The following VDR variants were observed in gnomAD, a reference collection of about 807,000 sequenced individuals.
VDR encodes the protein vitamin D3 receptor.
In VDR, 19 loss-of-function variants were observed where a neutral mutation model predicts 39.7. The observed-to-expected ratio is 0.48, with a 90% CI of 0.33 to 0.70. VDR has a LOEUF of 0.70. Among genes scored for constraint, VDR ranks in the 30% least tolerant of loss-of-function variants. The pLI, the probability that VDR is intolerant of heterozygous loss-of-function variation, is 0.02. For synonymous variants in VDR, 242 were observed against 215.8 expected, an observed-to-expected ratio of 1.12 and a Z score of -1.07; for missense variants, 442 against 570.5, an observed-to-expected ratio of 0.77 and a Z score of 2.29.
intron 3 of VDR, among the ~76,000 whole-genome samples, chr12:47,872,637 C>T (rs1246281913): frequency 3.3e-5 from 5 of 152,152 alleles, no homozygotes; most frequent in Non-Finnish European, 7.4e-5. Context: ...AGCCTTTGAC[C>T]GACATGAAGC....
intron 4 of VDR, among the ~76,000 whole-genome samples, chr12:47,858,855 G>T (rs1162471141): frequency 2.0e-5 from 3 of 152,216 alleles, no homozygotes; most frequent in Non-Finnish European, 4.4e-5. Flanking sequence ...CCTCAGGTAG[G>T]GGGAGGACGA....
intron 4 of VDR, among the ~76,000 whole-genome samples, chr12:47,861,464 T>A (rs1945623781): frequency 6.6e-6 from 1 of 152,246 alleles, no homozygotes; most frequent in Non-Finnish European, 1.5e-5. Flanking sequence ...AAGTCTAAAG[T>A]CTTTCACATA....
At chr12:47,903,756 G>A (rs1206323698) in intron 1 of VDR, among the ~76,000 whole-genome samples, 1 of 152,150 alleles carries the variant, frequency 6.6e-6, no homozygotes, top group Non-Finnish European at 1.5e-5. Context: ...ATGGAAGGAA[G>A]GGCTGGAAAA....
chr12:47,849,064 G>A (rs1189294908), intron 7 of VDR, among the ~76,000 whole-genome samples: 1 of 152,208 alleles, frequency 6.6e-6, no homozygotes, highest in African/African-American at 2.4e-5. Flanking sequence ...CGAGGAAAAG[G>A]CAGGGCTCAC....
chr12:47,863,498 G>A (rs996070208), intron 4 of VDR, among the ~76,000 whole-genome samples: 9 of 152,162 alleles, frequency 5.9e-5, no homozygotes, highest in Non-Finnish European at 4.4e-5. Flanking sequence ...TCTTCTCTGC[G>A]GAGATGGGAC....
Position 47,846,816 on chromosome 12 carries a change from G to C in VDR, c.756-8C>G. ...TCCTCAGAGGTGAGGTCTCTGCAGG[G>C]GAGGGAGGGAAGGAGGTCAGGTTAC... On this transcript the variant is annotated splice_region_variant and splice_polypyrimidine_tract_variant and intron_variant, in intron 7 of 9. Transcript: ENST00000549336. 6.2e-7 allele frequency: 1 copy of C among 1,614,146 alleles called. No homozygotes were observed. Among genetic ancestry groups the C allele is most frequent in the Non-Finnish European group, 8.5e-7 (1 of 1,180,026 alleles).
At chr12:47,882,558 C>T (rs1946172098) in intron 2 of VDR, 136 bp downstream of exon 2, 1 of 728,170 alleles carries the variant, frequency 1.4e-6, no homozygotes, top group South Asian at 1.6e-5. Flanking sequence ...ACTCTGCTGG[C>T]CCGGGACCCA....
At position 47,890,472 on chromosome 12, in the gene VDR, C is replaced by A. The variant is rs200123711; in HGVS notation, c.-83-7698G>T. Among the ~76,000 whole-genome samples the A allele has an allele frequency of 3.3e-5, 5 of 151,368 alleles. No homozygotes were observed. The East Asian group carries it at 9.6e-4, about 29-fold the overall frequency. On this transcript the variant is annotated intron_variant, in intron 1 of 9. Transcript: ENST00000549336. ...AGCTCCTCTGGGGTCAGGGAGGAAA[C>A]GGTTGTCACGTCACCAGGCAGGTTA...
chr12:47,889,503 C>T (rs555873524), intron 1 of VDR, among the ~76,000 whole-genome samples: 5 of 152,288 alleles, frequency 3.3e-5, no homozygotes, highest in South Asian at 4.1e-4. Flanking sequence ...CTTCAGCTCC[C>T]GTGGCCAAAG....
chr12:47,882,604 C>A, intron 2 of VDR, 90 bp downstream of exon 2: 1 of 1,203,864 alleles, frequency 8.3e-7, no homozygotes, highest in South Asian at 1.3e-5. Flanking sequence ...CTTCCTTCCC[C>A]TGCCCACCAC....
chr12:47,862,218 T>C (rs1945640764), intron 4 of VDR, among the ~76,000 whole-genome samples: 1 of 152,228 alleles, frequency 6.6e-6, no homozygotes. Context: ...TAAAGTCAAC[T>C]AAGAATGGAA....
rs370817534 is a variant in VDR, at chr12:47,900,860, C to A, written c.-84+4095G>T. 7.2e-5 allele frequency among the ~76,000 whole-genome samples: 11 copies of A among 152,326 alleles called. No individual in the cohort carries two copies. The South Asian group carries it at 2.3e-3, about 32-fold the overall frequency. On this transcript the variant is annotated intron_variant, in intron 1 of 9. Transcript: ENST00000549336. ...TTTCCCGCCGGTGCAGCTGCCCACA[C>A]CCTGCTTAGGACCAGGACTCTCCCC...
At chr12:47,845,192 A>G (rs1400044721) in intron 9 of VDR, among the ~76,000 whole-genome samples, 187 bp from the exon 10 acceptor site, 1 of 151,610 alleles carries the variant, frequency 6.6e-6, no homozygotes, top group Non-Finnish European at 1.5e-5. Flanking sequence ...CCGTGCATTT[A>G]GGATCCAGAC....
At chr12:47,884,411 GC>G (rs921639234) in intron 1 of VDR, among the ~76,000 whole-genome samples, 3 of 152,180 alleles carry the variant, frequency 2.0e-5, no homozygotes, top group African/African-American at 7.2e-5. Flanking sequence ...GGGTCCCACA[GC>G]TAGGCAAGTG....
At chr12:47,884,784 T>C (rs11574033) in intron 1 of VDR, among the ~76,000 whole-genome samples, 1 of 152,038 alleles carries the variant, frequency 6.6e-6, no homozygotes, top group South Asian at 2.1e-4. Flanking sequence ...CTGGGGATTG[T>C]TCTTTTCCTT....
intron 1 of VDR, among the ~76,000 whole-genome samples, chr12:47,897,854 C>T (rs2137247551): frequency 6.6e-6 from 1 of 152,294 alleles, no homozygotes; most frequent in South Asian, 2.1e-4. Context: ...TCACTGGAGC[C>T]CTTAAATGAT....
At position 47,896,456 on chromosome 12, in the gene VDR, G is replaced by A. The variant is rs569832977; in HGVS notation, c.-84+8499C>T. ...GGATTCAGATCTGTTCTCGGGGCTC[G>A]GAGTAGAGTGGGGGGAATGGACGAT... is the stretch of plus-strand genomic sequence containing the variant. On this transcript the variant is annotated intron_variant, in intron 1 of 9. Coordinates refer to ENST00000549336, the MANE Select transcript of VDR (RefSeq NM_000376.3). 3.9e-5 allele frequency among the ~76,000 whole-genome samples: 6 copies of A among 152,208 alleles called. No homozygotes were observed. In the South Asian group the frequency reaches 6.2e-4, roughly 16 times the overall value.
intron 3 of VDR, among the ~76,000 whole-genome samples, chr12:47,878,277 T>G (rs1342504900): frequency 6.6e-6 from 1 of 152,140 alleles, no homozygotes; most frequent in Non-Finnish European, 1.5e-5. Flanking sequence ...CTGCCCCAAT[T>G]CATCCCTTTC....
chr12:47,877,779 G>C (rs1946038330), intron 3 of VDR, among the ~76,000 whole-genome samples: 2 of 152,176 alleles, frequency 1.3e-5, no homozygotes. Flanking sequence ...ACACGACTTA[G>C]AGCCAGCGAT....
Sources: gnomAD v4.1 joint callset for allele counts (sites outside exome capture counted in the v4.1 genomes callset) on GRCh38, gnomAD v4.1.1 for gene constraint, MANE v1.5 for transcripts, NCBI Gene and HGNC (gene_info 2026-07-23, HGNC 2026-07-21) for gene names.